The following MYT1L variants were observed in gnomAD, a reference collection of about 807,000 sequenced individuals.
The protein encoded by MYT1L is myelin transcription factor 1-like protein.
Under a neutral mutation model 126.7 loss-of-function variants are expected in MYT1L, and 12 were observed. That is an observed-to-expected ratio of 0.09 (90% CI 0.06 to 0.15). MYT1L has a LOEUF of 0.15. Among genes scored for constraint, MYT1L ranks in the 10% least tolerant of loss-of-function variants. The pLI is 1.00. For synonymous variants in MYT1L, 541 were observed against 604.2 expected, an observed-to-expected ratio of 0.90 and a Z score of 1.53; for missense variants, 979 against 1,585.2, an observed-to-expected ratio of 0.62 and a Z score of 6.49.
intron 3 of MYT1L, among the ~76,000 whole-genome samples, chr2:2,101,146 T>C (rs1402615507): frequency 1.3e-5 from 2 of 152,206 alleles, no homozygotes; most frequent in African/African-American, 2.4e-5. Flanking sequence ...TTTTATATGT[T>C]ATATACATAT....
intron 3 of MYT1L, among the ~76,000 whole-genome samples, chr2:2,077,962 A>G (rs970971565): frequency 1.3e-5 from 2 of 152,244 alleles, no homozygotes; most frequent in Non-Finnish European, 2.9e-5. Flanking sequence ...TTTAAAAGAC[A>G]GCGGCAGAAA....
chr2:2,082,126 G>C (rs1046857729), intron 3 of MYT1L, among the ~76,000 whole-genome samples: 1 of 151,222 alleles, frequency 6.6e-6, no homozygotes, highest in South Asian at 2.1e-4. Flanking sequence ...CTGTTGAAAG[G>C]ATCTACCACT....
intron 10 of MYT1L, among the ~76,000 whole-genome samples, chr2:1,919,862 G>A (rs1012965821): frequency 1.4e-4 from 21 of 152,218 alleles, no homozygotes; most frequent in African/African-American, 4.8e-4. Context: ...CCGAGTAGCT[G>A]GGACTACAGG....
At chr2:2,294,877 G>A (rs1372925261) in intron 1 of MYT1L, among the ~76,000 whole-genome samples, 6 of 152,166 alleles carry the variant, frequency 3.9e-5, no homozygotes, top group Admixed American at 1.3e-4. Flanking sequence ...GTCCCTGTCC[G>A]CAAGAAGCTA....
At chr2:1,990,778 G>C (rs1356646789) in intron 5 of MYT1L, among the ~76,000 whole-genome samples, 1 of 152,166 alleles carries the variant, frequency 6.6e-6, no homozygotes, top group African/African-American at 2.4e-5. Flanking sequence ...AGGTGCTCTG[G>C]AACAGGCCCA....
chr2:1,858,457 T>A (rs2044183044), intron 18 of MYT1L, among the ~76,000 whole-genome samples: 1 of 152,202 alleles, frequency 6.6e-6, no homozygotes, highest in Non-Finnish European at 1.5e-5. Flanking sequence ...ATACAAATTT[T>A]AAAAATACGC....
chr2:2,130,218 T>G (rs2082198762), intron 3 of MYT1L, among the ~76,000 whole-genome samples: 2 of 151,538 alleles, frequency 1.3e-5, no homozygotes, highest in Admixed American at 1.3e-4. Context: ...CACGAGGAGC[T>G]GAGGTAATGC....
intron 4 of MYT1L, among the ~76,000 whole-genome samples, chr2:2,026,363 C>T (rs2065571554): frequency 1.3e-5 from 2 of 152,118 alleles, no homozygotes; most frequent in African/African-American, 2.4e-5. Context: ...GTCCCAAGGC[C>T]GTGCCCAGGA....
chr2:2,222,627 T>C (rs1372229228), intron 2 of MYT1L, among the ~76,000 whole-genome samples: 1 of 152,202 alleles, frequency 6.6e-6, no homozygotes, highest in Non-Finnish European at 1.5e-5. Context: ...GGTTCCTTTT[T>C]TGGCCATATT....
intron 3 of MYT1L, among the ~76,000 whole-genome samples, chr2:2,095,929 G>T (rs2077415794): frequency 6.6e-6 from 1 of 152,136 alleles, no homozygotes; most frequent in Non-Finnish European, 1.5e-5. Context: ...TGCGAGTTGG[G>T]CCCCAGATGC....
intron 1 of MYT1L, among the ~76,000 whole-genome samples, chr2:2,329,811 G>A (rs924385149): frequency 2.6e-5 from 4 of 152,108 alleles, no homozygotes; most frequent in Non-Finnish European, 5.9e-5. Flanking sequence ...TTAACTTACT[G>A]CATTTGAGGT....
intron 3 of MYT1L, among the ~76,000 whole-genome samples, chr2:2,133,950 G>A (rs1466132211): frequency 2.6e-5 from 4 of 152,172 alleles, no homozygotes; most frequent in Admixed American, 6.5e-5. Context: ...ATCTACGTAT[G>A]GTGGAAGAGA....
At chr2:1,936,042 C>T (rs2055835018) in intron 9 of MYT1L, among the ~76,000 whole-genome samples, 1 of 152,210 alleles carries the variant, frequency 6.6e-6, no homozygotes, top group Non-Finnish European at 1.5e-5. Flanking sequence ...TCTGCCTCAG[C>T]CTCCCAAGTA....
intron 2 of MYT1L, among the ~76,000 whole-genome samples, chr2:2,190,670 C>G (rs1559288568): frequency 1.3e-5 from 2 of 151,834 alleles, no homozygotes; most frequent in Non-Finnish European, 1.5e-5. Context: ...TTAAACATCT[C>G]ATAAATAAGT....
At chr2:1,953,808 A>G (rs1361138790) in intron 8 of MYT1L, among the ~76,000 whole-genome samples, 1 of 152,232 alleles carries the variant, frequency 6.6e-6, no homozygotes, top group Non-Finnish European at 1.5e-5. Context: ...CTGCCAAAAC[A>G]GAACTCACCA....
chr2:2,016,845 G>T (rs2064462499), intron 4 of MYT1L, among the ~76,000 whole-genome samples: 1 of 152,222 alleles, frequency 6.6e-6, no homozygotes, highest in African/African-American at 2.4e-5. Flanking sequence ...CTGCCAATCT[G>T]GGCAACGGCA....
intron 2 of MYT1L, among the ~76,000 whole-genome samples, chr2:2,206,834 G>A (rs192150258): frequency 1.3e-5 from 2 of 152,196 alleles, no homozygotes; most frequent in Admixed American, 6.5e-5. Context: ...TTAGAGCCAC[G>A]TTTTTCATTT....
chr2:2,210,893 AT>A (rs548165791), intron 2 of MYT1L, among the ~76,000 whole-genome samples: 1 of 151,798 alleles, frequency 6.6e-6, no homozygotes, highest in Non-Finnish European at 1.5e-5. Flanking sequence ...TGTTTCTTCA[AT>A]TTTTTTTAAA....
chr2:2,286,454 A>G (rs1320599137), intron 1 of MYT1L, among the ~76,000 whole-genome samples: 1 of 152,204 alleles, frequency 6.6e-6, no homozygotes, highest in African/African-American at 2.4e-5. Context: ...ATATATGTAC[A>G]CTTTTAAAAG....
Sources: gnomAD v4.1 joint callset for allele counts (sites outside exome capture counted in the v4.1 genomes callset) on GRCh38, gnomAD v4.1.1 for gene constraint, MANE v1.5 for transcripts, NCBI Gene and HGNC (gene_info 2026-07-23, HGNC 2026-07-21) for gene names.